Variants in AP2B1 observed in about 807,000 individuals in gnomAD.
The protein encoded by AP2B1 is adaptor related protein complex 2 subunit beta 1, also known as AP-2 complex subunit beta.
Under a neutral mutation model 102.0 loss-of-function variants are expected in AP2B1, and 23 were observed. That is an observed-to-expected ratio of 0.23 (90% CI 0.16 to 0.32). AP2B1 has a LOEUF of 0.32. Among genes scored for constraint, AP2B1 ranks in the 10% least tolerant of loss-of-function variants. The pLI is 1.00. For missense variants in AP2B1, 541 were observed against 1,157.4 expected (o/e 0.47, Z 7.73); for synonymous variants, 381 against 421.2 (o/e 0.90, Z 1.17).
At chr17:35,641,204 G>A (rs1308856354) in intron 11 of AP2B1, among the ~76,000 whole-genome samples, 2 of 152,226 alleles carry the variant, frequency 1.3e-5, no homozygotes, top group East Asian at 3.9e-4. Context: ...CCAAATTGTA[G>A]CTTTTGGTAG....
At chr17:35,693,913 T>A (rs2076088771) in intron 18 of AP2B1, among the ~76,000 whole-genome samples, 1 of 152,254 alleles carries the variant, frequency 6.6e-6, no homozygotes, top group African/African-American at 2.4e-5. Context: ...CCTCCTTTTG[T>A]CCACGTAAGG....
At chr17:35,680,696 T>G (rs4796102) in intron 17 of AP2B1, among the ~76,000 whole-genome samples, 2,677 of 116,932 alleles carry the variant, frequency 0.023, 88 homozygotes, top group African/African-American at 0.084. Flanking sequence ...GTTTTTTTTT[T>G]TTTGTTTTTT....
chr17:35,596,853 C>G, intron 2 of AP2B1: 1 of 680,198 alleles, frequency 1.5e-6, no homozygotes, highest in East Asian at 3.2e-5. Context: ...GCACACAGGC[C>G]GCCCAGCAGG....
chr17:35,608,022 A>G (rs2073743897), intron 4 of AP2B1, 120 bp from the exon 5 acceptor site: 2 of 1,192,182 alleles, frequency 1.7e-6, no homozygotes, highest in African/African-American at 1.5e-5. Flanking sequence ...ATTGGAGCTC[A>G]TGTAGAATGT....
intron 13 of AP2B1, among the ~76,000 whole-genome samples, chr17:35,655,462 G>A (rs11652390): frequency 0.073 from 11,086 of 152,148 alleles, 463 homozygotes; most frequent in Middle Eastern, 0.11. Context: ...TGTGTCTTTT[G>A]CTCAACATAA....
chr17:35,626,211 A>G (rs1289577918), intron 6 of AP2B1, among the ~76,000 whole-genome samples: 1 of 152,094 alleles, frequency 6.6e-6, no homozygotes. Context: ...GTCTCTTCCT[A>G]TGAAATAACT....
intron 3 of AP2B1, among the ~76,000 whole-genome samples, chr17:35,599,088 A>G (rs112203750): frequency 6.6e-6 from 1 of 152,260 alleles, no homozygotes; most frequent in South Asian, 2.1e-4. Context: ...AATGTCCTTC[A>G]TGAGCAGTAA....
At position 35,596,776 on chromosome 17, in the gene AP2B1, C is replaced by T. The variant is rs1239321623; in HGVS notation, c.38-1454C>T. On this transcript the variant is annotated intron_variant, in intron 2 of 21. Transcript: ENST00000610402. ...GTGGCGAGTACAGCGCCCGCAGCTG[C>T]GCCCCCTAGCGTCAGCTGCATGGGC... 8 of 577,524 alleles carry T rather than the reference C, an allele frequency of 1.4e-5. No individual in the cohort carries two copies. In the East Asian group the frequency reaches 2.5e-4, roughly 18 times the overall value. 35.8% of individuals were successfully genotyped at this position (577,524 alleles called of 1,614,324 possible).
At chr17:35,708,682 A>T (rs2076391846) in intron 18 of AP2B1, among the ~76,000 whole-genome samples, 2 of 152,220 alleles carry the variant, frequency 1.3e-5, no homozygotes, top group Admixed American at 1.3e-4. Context: ...ATAAAAAATA[A>T]GAGATAGTAT....
chr17:35,650,970 G>A, intron 13 of AP2B1, 181 bp downstream of exon 13: 1 of 624,164 alleles, frequency 1.6e-6, no homozygotes, highest in Non-Finnish European at 2.7e-6. Flanking sequence ...ACCCCAGGGA[G>A]CTCCATCTGA....
chr17:35,674,730 T>G (rs1252216992), intron 17 of AP2B1, among the ~76,000 whole-genome samples: 2 of 152,128 alleles, frequency 1.3e-5, no homozygotes, highest in Admixed American at 6.5e-5. Context: ...CCTCACACAT[T>G]GGCAGATGCT....
chr17:35,681,551 G>T (rs1332543183), intron 17 of AP2B1, among the ~76,000 whole-genome samples: 1 of 152,082 alleles, frequency 6.6e-6, no homozygotes, highest in African/African-American at 2.4e-5. Context: ...CTACAGGCGT[G>T]TGCCACCATG....
intron 13 of AP2B1, among the ~76,000 whole-genome samples, chr17:35,652,009 A>G (rs1032928609): frequency 2.6e-5 from 4 of 152,220 alleles, no homozygotes; most frequent in Admixed American, 1.3e-4. Flanking sequence ...GCCTCCTGCT[A>G]ACTTTTAACC....
chr17:35,596,786 C>T (rs1242927873), intron 2 of AP2B1: 3 of 598,668 alleles, frequency 5.0e-6, no homozygotes, highest in South Asian at 1.6e-5. Flanking sequence ...CGCCCCCTAG[C>T]GTCAGCTGCA....
chr17:35,673,497 T>G (rs1368281640), intron 16 of AP2B1, among the ~76,000 whole-genome samples: 1 of 152,070 alleles, frequency 6.6e-6, no homozygotes, highest in Non-Finnish European at 1.5e-5. Flanking sequence ...TTAAATTTTT[T>G]TATCTTTATT....
chr17:35,654,736 C>G (rs1465785914), intron 13 of AP2B1, among the ~76,000 whole-genome samples: 1 of 152,034 alleles, frequency 6.6e-6, no homozygotes, highest in Non-Finnish European at 1.5e-5. Context: ...TATTTAAGAT[C>G]GGCTTTACTT....
rs1360441897 is a variant in AP2B1, at chr17:35,624,486, T to C, written c.615T>C (p.Asn205=). The change falls in exon 6 of 22, where the codon AAT becomes AAC. Residue 205 remains asparagine (N), a synonymous_variant. Transcript: ENST00000610402. ...TTGATCTGAACCCACAGAACATTAA[T>C]AAGCTGCTGACAGCCCTGAATGAAT... is the stretch of plus-strand genomic sequence containing the variant. ...NLLDLNPQNI[N]KLLTALNECT... The C allele has an allele frequency of 1.2e-6, 2 of 1,614,232 alleles. No homozygotes were observed. The highest frequency in any genetic ancestry group is 1.7e-6 in the Non-Finnish European group (2 of 1,180,030).
At chr17:35,696,414 T>C (rs2076142902) in intron 18 of AP2B1, among the ~76,000 whole-genome samples, 1 of 33,768 alleles carries the variant, frequency 3.0e-5, no homozygotes, top group Non-Finnish European at 6.4e-5. Context: ...GAATAAGTTC[T>C]TTTTTTTTTT....
At chr17:35,712,927 G>T (rs1473589534) in intron 20 of AP2B1, among the ~76,000 whole-genome samples, 1 of 152,228 alleles carries the variant, frequency 6.6e-6, no homozygotes, top group Non-Finnish European at 1.5e-5. Flanking sequence ...AGACCAGAGT[G>T]ATTGGAAAGC....
Sources: gnomAD v4.1 joint callset for allele counts (sites outside exome capture counted in the v4.1 genomes callset) on GRCh38, gnomAD v4.1.1 for gene constraint, MANE v1.5 for transcripts, NCBI Gene and HGNC (gene_info 2026-07-23, HGNC 2026-07-21) for gene names.